SP4: variants seen among roughly 807,000 people sequenced by gnomAD.
SP4 encodes Sp4 transcription factor, also known as transcription factor Sp4.
A neutral mutation model predicts 72.8 loss-of-function variants in SP4; 19 were observed. The ratio of observed to expected loss-of-function variants is 0.26; its 90% CI spans 0.18 to 0.38. SP4 has a LOEUF of 0.38. SP4 is among the 10% of genes least tolerant of loss of function. The probability of loss-of-function intolerance (pLI) is 1.00; values close to 1 mark genes in which losing one functional copy is unlikely to be tolerated. For missense variants in SP4, 1,008 were observed against 926.3 expected, an observed-to-expected ratio of 1.09 and a Z score of -1.14; for synonymous variants, 395 against 333.1, an observed-to-expected ratio of 1.19 and a Z score of -2.02.
In SP4 at chr7:21,430,350, G is replaced by A. The variant is rs553295073; in HGVS notation, c.1185G>A (p.Gln395=). 8.1e-6 allele frequency: 13 copies of A among 1,614,230 alleles called. No homozygotes were observed. In the African/African-American group the frequency reaches 1.7e-4, roughly 22 times the overall value. Residue 395 remains glutamine, a synonymous_variant, in exon 3 of 6, where the codon CAG becomes CAA. Coordinates refer to ENST00000222584, the MANE Select transcript of SP4 (RefSeq NM_003112.5). ...AGGATCAATCAAATTCTCTTCAGCA[G>A]GTGCAAATTGTAGGCCAACCTATCT... ...NAQDQSNSLQ[Q]VQIVGQPILQ... is the part of the protein sequence containing the mutation.
In SP4 at chr7:21,429,449, C is replaced by A; in HGVS notation, c.284C>A (p.Thr95Lys). 1.2e-6 allele frequency: 2 copies of A among 1,614,188 alleles called. No homozygotes were observed. Among genetic ancestry groups the A allele is most frequent in the South Asian group, 1.1e-5 (1 of 91,084 alleles). The stretch of plus-strand genomic sequence containing the variant: ...CCACAACAGCTAGAACTGGTAACAA[C>A]GCAACTTGCTGGAAACGCTTGGCAA... ...NQPQQLELVT[T>K]QLAGNAWQLV... Residue 95 changes from threonine (T) to lysine (K), a missense_variant, in exon 3 of 6, where the codon ACG becomes AAG. By Grantham distance (78) the Thr-to-Lys change is moderately conservative. Around this residue, in one of 3 missense-constraint regions of SP4, gnomAD observed 893 missense variants for 743.3 expected, o/e 1.20. Transcript: ENST00000222584.
intron 5 of SP4, among the ~76,000 whole-genome samples, chr7:21,489,781 A>G (rs1784924861): frequency 6.6e-6 from 1 of 151,752 alleles, no homozygotes; most frequent in African/African-American, 2.4e-5. Context: ...GGATGATCTC[A>G]ATCTCCTGAC....
At chr7:21,453,902 C>T (rs767268204) in intron 3 of SP4, among the ~76,000 whole-genome samples, 1 of 152,204 alleles carries the variant, frequency 6.6e-6, no homozygotes, top group Non-Finnish European at 1.5e-5. Context: ...AAACCTTTAG[C>T]TTTATCCTAT....
At chr7:21,449,302 C>T (rs945241076) in intron 3 of SP4, among the ~76,000 whole-genome samples, 3 of 152,192 alleles carry the variant, frequency 2.0e-5, no homozygotes, top group Non-Finnish European at 2.9e-5. Context: ...CCCGTATGCT[C>T]CACATCCTAT....
At chr7:21,440,789 G>C (rs1783216520) in intron 3 of SP4, among the ~76,000 whole-genome samples, 2 of 152,184 alleles carry the variant, frequency 1.3e-5, no homozygotes, top group Non-Finnish European at 2.9e-5. Flanking sequence ...GTCGAAGGTT[G>C]CAGTGAGCTG....
intron 3 of SP4, among the ~76,000 whole-genome samples, chr7:21,476,743 T>G (rs74334145): frequency 0.037 from 5,678 of 152,280 alleles, 165 homozygotes; most frequent in African/African-American, 0.083. Context: ...TCAAAATGCT[T>G]TTAGACTATC....
chr7:21,436,227 C>T (rs968944415), intron 3 of SP4, among the ~76,000 whole-genome samples: 6 of 152,084 alleles, frequency 3.9e-5, no homozygotes, highest in Non-Finnish European at 7.4e-5. Context: ...ATCTGCTTTT[C>T]AAATTCTGAA....
intron 3 of SP4, among the ~76,000 whole-genome samples, chr7:21,475,781 G>A (rs1784481988): frequency 6.6e-6 from 1 of 152,204 alleles, no homozygotes; most frequent in South Asian, 2.1e-4. Context: ...ATTGGTAACA[G>A]TAGCTACCAT....
intron 3 of SP4, 68 bp from the exon 4 acceptor site, chr7:21,477,007 AGATT>A (rs1433676527): frequency 9.0e-7 from 1 of 1,114,920 alleles, no homozygotes. Context: ...TTATGCACAT[AGATT>A]TTTTTTTTTA....
At chr7:21,486,771 T>C (rs1784824881) in intron 5 of SP4, among the ~76,000 whole-genome samples, 1 of 152,196 alleles carries the variant, frequency 6.6e-6, no homozygotes, top group South Asian at 2.1e-4. Flanking sequence ...ATATTGTTTG[T>C]TAGAAGCAAG....
At chr7:21,494,077 A>G (rs1785046553) in intron 5 of SP4, among the ~76,000 whole-genome samples, 1 of 152,226 alleles carries the variant, frequency 6.6e-6, no homozygotes, top group Non-Finnish European at 1.5e-5. Context: ...AATATTTGGC[A>G]AAATTCTGCA....
In SP4 at chr7:21,428,201, C is replaced by G; in HGVS notation, c.-51C>G. ...TCCTCCCGCCTCGCCCCCACCCCCA[C>G]CCACCTCTATCCCAGTGTCTCCGTC... is the stretch of plus-strand genomic sequence containing the variant. On this transcript the variant is annotated 5_prime_UTR_variant, in exon 1 of 6. Transcript: ENST00000222584. 2 of 1,195,234 alleles carry G rather than the reference C, an allele frequency of 1.7e-6. No homozygotes were observed. The highest frequency in any genetic ancestry group is 1.2e-6 in the Non-Finnish European group (1 of 836,340). The allele number at this position is 1,195,234 out of a possible 1,614,324, so 74.0% of individuals were successfully genotyped here. A position where few individuals can be genotyped will look rare whatever the true frequency, so the allele number is the denominator to read the frequency against.
Position 21,511,117 on chromosome 7 carries a change from G to T in SP4, c.2203G>T (p.Gly735Cys). The change falls in exon 6 of 6, where the codon GGT becomes TGT. Residue 735 changes from glycine to cysteine, a missense_variant. By Grantham distance (159) the Gly-to-Cys change is radical. Around this residue, in one of 3 missense-constraint regions of SP4, gnomAD observed 67 missense variants for 66.1 expected, o/e 1.01. Transcript: ENST00000222584. ...CAAAACGCACCAGAATAAAAAAGGT[G>T]GTGGGACAGCTCTTGCCATTGTTAC... ...HVKTHQNKKG[G>C]GTALAIVTSG... The T allele has an allele frequency of 6.2e-7, 1 of 1,614,158 alleles. No homozygotes were observed. The highest frequency in any genetic ancestry group is 2.2e-5 in the East Asian group (1 of 44,876).
intron 1 of SP4, 28 bp from the exon 2 acceptor site, chr7:21,428,649 G>T (rs1427032273): frequency 2.0e-6 from 3 of 1,522,754 alleles, no homozygotes; most frequent in Non-Finnish European, 2.7e-6. Flanking sequence ...CTGTTGTCGT[G>T]TGTGTGTGGT....
At chr7:21,496,543 T>C (rs551439499) in intron 5 of SP4, among the ~76,000 whole-genome samples, 1 of 152,334 alleles carries the variant, frequency 6.6e-6, no homozygotes, top group East Asian at 1.9e-4. Flanking sequence ...TAAATGTAGT[T>C]ACTCTTGCTG....
chr7:21,467,195 C>G (rs1784193237), intron 3 of SP4, among the ~76,000 whole-genome samples: 1 of 152,068 alleles, frequency 6.6e-6, no homozygotes, highest in Non-Finnish European at 1.5e-5. Flanking sequence ...TAATCTCACA[C>G]TTTGTGACAA....
chr7:21,428,334 TC>T, intron 1 of SP4, 76 bp downstream of exon 1: 2 of 742,322 alleles, frequency 2.7e-6, no homozygotes, highest in Non-Finnish European at 2.4e-6. Flanking sequence ...TGCTCGGTTC[TC>T]CCCCCTCCCC....
At chr7:21,481,237 C>T (rs1784677045) in intron 4 of SP4, among the ~76,000 whole-genome samples, 2 of 152,184 alleles carry the variant, frequency 1.3e-5, no homozygotes, top group African/African-American at 2.4e-5. Context: ...GAAATGCAGA[C>T]ATCTTGCCCC....
chr7:21,438,219 A>G (rs933115169), intron 3 of SP4, among the ~76,000 whole-genome samples: 4 of 152,178 alleles, frequency 2.6e-5, no homozygotes, highest in African/African-American at 9.6e-5. Flanking sequence ...TGCTTAAACT[A>G]TAAACTCTGA....
Sources: allele counts gnomAD v4.1 joint callset (sites outside exome capture counted in the v4.1 genomes callset), GRCh38; gene constraint gnomAD v4.1.1; regional missense constraint gnomAD v4.1.1; transcripts MANE v1.5; gene names NCBI Gene and HGNC (gene_info 2026-07-23, HGNC 2026-07-21).